Variants in DCC observed in about 807,000 individuals in gnomAD.
DCC encodes netrin receptor DCC.
In DCC, 58 loss-of-function variants were observed where a neutral mutation model predicts 172.5. The ratio of observed to expected loss-of-function variants is 0.34; its 90% CI spans 0.27 to 0.42. The LOEUF is 0.42. Ranked by LOEUF, DCC falls within the 10% of genes least tolerant of loss-of-function variation. DCC has a pLI of 1.00. For missense variants in DCC, 1,740 were observed against 1,791.0 expected (o/e 0.97, Z 0.51); for synonymous variants, 709 against 644.5 (o/e 1.10, Z -1.52).
chr18:52,874,451 A>C (rs979799880), intron 2 of DCC, among the ~76,000 whole-genome samples: 3 of 152,182 alleles, frequency 2.0e-5, no homozygotes, highest in African/African-American at 7.2e-5. Context: ...ACAAAAATAA[A>C]ATTGTTTTGA....
intron 12 of DCC, among the ~76,000 whole-genome samples, chr18:53,226,949 T>TATATATATATATATATATATA (rs1555734428): frequency 6.3e-5 from 3 of 47,474 alleles, no homozygotes; most frequent in African/African-American, 2.3e-4. Flanking sequence ...TATATATATA[T>TATATATATATATATATATATA]TTTTTTTTTT....
At chr18:53,439,431 C>G (rs1297437301) in intron 22 of DCC, among the ~76,000 whole-genome samples, 1 of 152,088 alleles carries the variant, frequency 6.6e-6, no homozygotes, top group African/African-American at 2.4e-5. Context: ...CATACGTCTC[C>G]CCTTAGAGTG....
chr18:52,682,502 A>G (rs750601562), intron 1 of DCC, among the ~76,000 whole-genome samples: 3 of 152,034 alleles, frequency 2.0e-5, no homozygotes, highest in Non-Finnish European at 2.9e-5. Context: ...AGAGCCACCA[A>G]ATGCTTGTGA....
intron 12 of DCC, among the ~76,000 whole-genome samples, chr18:53,293,244 T>C (rs545959448): frequency 3.3e-5 from 5 of 152,344 alleles, no homozygotes; most frequent in African/African-American, 1.2e-4. Flanking sequence ...CAGAACACTA[T>C]TCTGCCTTTC....
At chr18:52,738,127 T>C (rs968175778) in intron 1 of DCC, among the ~76,000 whole-genome samples, 1 of 152,204 alleles carries the variant, frequency 6.6e-6, no homozygotes, top group Non-Finnish European at 1.5e-5. Flanking sequence ...TGGCCCTTGA[T>C]GGAAAGTTTG....
At chr18:52,418,217 A>T (rs1041679432) in intron 1 of DCC, among the ~76,000 whole-genome samples, 2 of 152,184 alleles carry the variant, frequency 1.3e-5, no homozygotes, top group East Asian at 3.9e-4. Flanking sequence ...GAGAAATCTT[A>T]ATTTCCTCTG....
At chr18:52,418,422 G>T (rs1987122394) in intron 1 of DCC, among the ~76,000 whole-genome samples, 1 of 152,146 alleles carries the variant, frequency 6.6e-6, no homozygotes, top group South Asian at 2.1e-4. Context: ...TTTGAGGCTG[G>T]AGCAGGCAGG....
intron 1 of DCC, among the ~76,000 whole-genome samples, chr18:52,544,024 T>C (rs1422297262): frequency 1.3e-5 from 2 of 152,222 alleles, no homozygotes; most frequent in African/African-American, 4.8e-5. Flanking sequence ...TTGAAATCTG[T>C]GGACCTGTGA....
At chr18:53,130,956 C>T (rs1438787743) in intron 7 of DCC, among the ~76,000 whole-genome samples, 2 of 151,908 alleles carry the variant, frequency 1.3e-5, no homozygotes, top group East Asian at 1.9e-4. Flanking sequence ...TGAGGGCGAT[C>T]GAATTAGAGA....
intron 28 of DCC, among the ~76,000 whole-genome samples, chr18:53,530,116 AG>A (rs1468173730): frequency 1.3e-5 from 2 of 152,236 alleles, no homozygotes; most frequent in Non-Finnish European, 2.9e-5. Context: ...TAAGAGGAAC[AG>A]GAGCTAATGT....
chr18:52,721,007 G>T (rs1435289496), intron 1 of DCC, among the ~76,000 whole-genome samples: 1 of 152,146 alleles, frequency 6.6e-6, no homozygotes, highest in African/African-American at 2.4e-5. Context: ...TGTTACGTGC[G>T]TGTGTACCAT....
rs537653030 is a variant in DCC at position 52,533,050 on chromosome 18, G to T, written c.91+192172G>T. Among the ~76,000 whole-genome samples, 47 of 152,022 alleles carry T rather than the reference G, an allele frequency of 3.1e-4. 1 individual carries two copies. The South Asian group carries it at 6.3e-3, about 20-fold the overall frequency. On this transcript the variant is annotated intron_variant, in intron 1 of 28. Transcript: ENST00000442544. ...ATATGTACAGGATTATAAAATATGT[G>T]GCCTTTAAAATATTTGCTAGAAGTT...
chr18:53,348,325 C>T (rs1055710787), intron 15 of DCC, among the ~76,000 whole-genome samples: 2 of 152,172 alleles, frequency 1.3e-5, no homozygotes, highest in Non-Finnish European at 2.9e-5. Context: ...AAATGATCTC[C>T]TTTGACTCCA....
chr18:52,506,802 T>C (rs2031245228), intron 1 of DCC, among the ~76,000 whole-genome samples: 2 of 152,160 alleles, frequency 1.3e-5, no homozygotes. Context: ...ATAGATATAA[T>C]TATTTCTTCA....
intron 16 of DCC, among the ~76,000 whole-genome samples, chr18:53,388,058 C>T (rs981489001): frequency 1.3e-5 from 2 of 152,186 alleles, no homozygotes; most frequent in African/African-American, 2.4e-5. Flanking sequence ...GTTTCAAAAA[C>T]ACCAGTGATC....
chr18:52,820,490 A>G (rs1474806822), intron 2 of DCC, among the ~76,000 whole-genome samples: 6 of 149,316 alleles, frequency 4.0e-5, no homozygotes, highest in African/African-American at 1.2e-4. Context: ...CCATACATTC[A>G]TGTTTTTTTT....
chr18:53,200,235 T>A (rs1390044906), intron 9 of DCC, among the ~76,000 whole-genome samples: 1 of 152,192 alleles, frequency 6.6e-6, no homozygotes, highest in Non-Finnish European at 1.5e-5. Flanking sequence ...TGGGGAAAAG[T>A]GCCCACAGGC....
intron 5 of DCC, among the ~76,000 whole-genome samples, chr18:52,929,555 G>T (rs1021231837): frequency 6.6e-6 from 1 of 152,058 alleles, no homozygotes; most frequent in African/African-American, 2.4e-5. Context: ...TGAAAATGAG[G>T]TTAAAACAAC....
intron 2 of DCC, among the ~76,000 whole-genome samples, chr18:52,802,188 A>G (rs2038001949): frequency 6.6e-6 from 1 of 152,136 alleles, no homozygotes; most frequent in East Asian, 1.9e-4. Context: ...TAGTCAAATT[A>G]GGAAGACCAC....
Sources: allele counts gnomAD v4.1 joint callset (sites outside exome capture counted in the v4.1 genomes callset), GRCh38; gene constraint gnomAD v4.1.1; transcripts MANE v1.5; gene names NCBI Gene and HGNC (gene_info 2026-07-23, HGNC 2026-07-21).